Variants in CTNNA2 observed in about 807,000 individuals in gnomAD.
The protein encoded by CTNNA2 is catenin alpha-2.
Under a neutral mutation model 101.0 loss-of-function variants are expected in CTNNA2, and 42 were observed. The observed-to-expected ratio is 0.42, with a 90% CI of 0.32 to 0.54. The LOEUF (loss-of-function observed/expected upper bound fraction) is 0.54, where lower values mean the gene tolerates loss of function less well. CTNNA2 is among the 20% of genes least tolerant of loss of function. The pLI is 0.14. For synonymous variants in CTNNA2, 450 were observed against 456.4 expected, an observed-to-expected ratio of 0.99 and a Z score of 0.18; for missense variants, 871 against 1,223.1, an observed-to-expected ratio of 0.71 and a Z score of 4.29.
intron 2 of CTNNA2, among the ~76,000 whole-genome samples, chr2:79,691,641 T>A: frequency 6.6e-6 from 1 of 152,052 alleles, no homozygotes; most frequent in Admixed American, 6.6e-5. Flanking sequence ...AAGGCTACAG[T>A]AACCAAAACA....
chr2:79,660,393 T>C (rs1681953711), intron 2 of CTNNA2, among the ~76,000 whole-genome samples: 2 of 151,364 alleles, frequency 1.3e-5, no homozygotes, highest in South Asian at 4.2e-4. Context: ...TACACATACA[T>C]ATGTGAACAG....
At chr2:80,476,326 T>C (rs1360055221) in intron 9 of CTNNA2, among the ~76,000 whole-genome samples, 1 of 152,138 alleles carries the variant, frequency 6.6e-6, no homozygotes, top group African/African-American at 2.4e-5. Context: ...AAGACCCAAA[T>C]GGCAGATGAG....
chr2:79,385,239 A>C (rs1573140278), intron 4 of CTNNA2, among the ~76,000 whole-genome samples: 1 of 152,120 alleles, frequency 6.6e-6, no homozygotes, highest in Non-Finnish European at 1.5e-5. Flanking sequence ...GAGTATTAGC[A>C]GGTACTAGAA....
At chr2:80,567,923 C>T (rs1291492951) in intron 12 of CTNNA2, among the ~76,000 whole-genome samples, 1 of 152,018 alleles carries the variant, frequency 6.6e-6, no homozygotes, top group Non-Finnish European at 1.5e-5. Context: ...GTTTATCTCT[C>T]TCGAACAGGG....
chr2:80,353,410 C>A (rs573234397), intron 7 of CTNNA2, among the ~76,000 whole-genome samples: 10 of 152,082 alleles, frequency 6.6e-5, no homozygotes, highest in Non-Finnish European at 1.3e-4. Flanking sequence ...ATCGGACATA[C>A]CATACAGGTT....
intron 9 of CTNNA2, among the ~76,000 whole-genome samples, chr2:80,473,399 T>G (rs1685469348): frequency 6.6e-6 from 1 of 152,228 alleles, no homozygotes; most frequent in African/African-American, 2.4e-5. Context: ...TTCTAAAATG[T>G]CGATTTTCTT....
chr2:79,923,936 C>T (rs540914428), intron 7 of CTNNA2, among the ~76,000 whole-genome samples: 20 of 152,186 alleles, frequency 1.3e-4, no homozygotes, highest in Non-Finnish European at 1.5e-5. Context: ...ATAGAATTAA[C>T]ATATGATCCA....
intron 2 of CTNNA2, among the ~76,000 whole-genome samples, chr2:79,262,108 A>G (rs892279481): frequency 6.6e-6 from 1 of 152,166 alleles, no homozygotes; most frequent in African/African-American, 2.4e-5. Context: ...GAGAAATCAC[A>G]CTGCCATTTA....
chr2:80,193,340 T>C (rs953636068), intron 7 of CTNNA2, among the ~76,000 whole-genome samples: 2 of 152,144 alleles, frequency 1.3e-5, no homozygotes, highest in African/African-American at 4.8e-5. Flanking sequence ...AAAGTAGGTG[T>C]AATAGAAGCA....
chr2:80,165,219 G>A (rs2078523), intron 7 of CTNNA2, among the ~76,000 whole-genome samples: 20,871 of 150,100 alleles, frequency 0.14, 3,609 homozygotes, highest in African/African-American at 0.41. Context: ...CTAAGGCTTT[G>A]TTAATTAATT....
chr2:79,186,053 C>T (rs1425213492), intron 1 of CTNNA2, among the ~76,000 whole-genome samples: 1 of 152,158 alleles, frequency 6.6e-6, no homozygotes, highest in East Asian at 1.9e-4. Flanking sequence ...ATTATTATTT[C>T]AGATTACCAT....
At chr2:79,922,642 C>CTTTTTTTTTT (rs35186079) in intron 7 of CTNNA2, among the ~76,000 whole-genome samples, 11 of 137,172 alleles carry the variant, frequency 8.0e-5, no homozygotes, top group Non-Finnish European at 9.4e-5. Context: ...CAGTTTTTTA[C>CTTTTTTTTTT]TTTTTTTTTT....
At chr2:79,479,017 C>T (rs1052251838) in intron 4 of CTNNA2, among the ~76,000 whole-genome samples, 1 of 152,112 alleles carries the variant, frequency 6.6e-6, no homozygotes, top group African/African-American at 2.4e-5. Flanking sequence ...GGATGAATAT[C>T]AATTGTATAT....
intron 7 of CTNNA2, among the ~76,000 whole-genome samples, chr2:80,043,119 CTCCTTCCTTCCTTCCTTCCTTCCT>C (rs70940072): frequency 0.012 from 602 of 52,030 alleles, 29 homozygotes; most frequent in African/African-American, 0.028. Context: ...CTCTTTCTTT[CTCCTTCCTTCCTTCCTTCCTTCCT>C]TCCTTCCTTC....
intron 1 of CTNNA2, among the ~76,000 whole-genome samples, chr2:79,620,474 G>A (rs1251137731): frequency 6.6e-6 from 1 of 152,190 alleles, no homozygotes; most frequent in East Asian, 1.9e-4. Context: ...ACACATATGT[G>A]TCTTTCACCT....
At chr2:80,307,759 G>A (rs910112869) in intron 7 of CTNNA2, among the ~76,000 whole-genome samples, 5 of 152,152 alleles carry the variant, frequency 3.3e-5, no homozygotes, top group African/African-American at 1.2e-4. Context: ...TAGCTGAACC[G>A]CTATAGCTGC....
At chr2:80,187,561 T>C (rs1706208672) in intron 7 of CTNNA2, among the ~76,000 whole-genome samples, 1 of 152,222 alleles carries the variant, frequency 6.6e-6, no homozygotes. Flanking sequence ...CTAAGGGTTG[T>C]GTGGTTCAGC....
intron 3 of CTNNA2, among the ~76,000 whole-genome samples, chr2:79,813,753 G>C (rs1431091290): frequency 6.6e-6 from 1 of 152,118 alleles, no homozygotes; most frequent in Non-Finnish European, 1.5e-5. Flanking sequence ...TGAAAGCTAA[G>C]GACCTTCTTT....
intron 7 of CTNNA2, among the ~76,000 whole-genome samples, chr2:80,082,574 A>G (rs1264922208): frequency 6.6e-6 from 1 of 152,158 alleles, no homozygotes; most frequent in Non-Finnish European, 1.5e-5. Flanking sequence ...TGACTTCTGG[A>G]TAAATGAGAT....
Sources: gnomAD v4.1 joint callset for allele counts (sites outside exome capture counted in the v4.1 genomes callset) on GRCh38, gnomAD v4.1.1 for gene constraint, MANE v1.5 for transcripts, NCBI Gene and HGNC (gene_info 2026-07-23, HGNC 2026-07-21) for gene names.